The following FOXP1 variants were observed in gnomAD, a reference collection of about 807,000 sequenced individuals.
FOXP1 encodes the protein forkhead box protein P1.
FOXP1 carries 15 observed loss-of-function variants against 98.2 expected under a neutral mutation model. The ratio of observed to expected loss-of-function variants is 0.15; its 90% confidence interval spans 0.10 to 0.24. The LOEUF (loss-of-function observed/expected upper bound fraction) is 0.24. FOXP1 is among the 10% of genes least tolerant of loss of function. The probability of loss-of-function intolerance (pLI) is 1.00; values close to 1 mark genes in which losing one functional copy is unlikely to be tolerated. For synonymous variants in FOXP1, 371 were observed against 314.5 expected (o/e 1.18, Z -1.90); for missense variants, 633 against 848.5 (o/e 0.75, Z 3.15).
chr3:71,179,402 A>G (rs1365533261), intron 6 of FOXP1, among the ~76,000 whole-genome samples: 1 of 152,060 alleles, frequency 6.6e-6, no homozygotes, highest in African/African-American at 2.4e-5. Context: ...GCCACTACAC[A>G]AGTCTTAACA....
chr3:71,242,188 A>G (rs990769854), intron 5 of FOXP1, among the ~76,000 whole-genome samples: 5 of 152,224 alleles, frequency 3.3e-5, no homozygotes, highest in African/African-American at 7.2e-5. Flanking sequence ...GTAACATGCT[A>G]TTACTAACCC....
chr3:71,134,392 C>T (rs1338701367), intron 6 of FOXP1, among the ~76,000 whole-genome samples: 2 of 152,044 alleles, frequency 1.3e-5, no homozygotes, highest in African/African-American at 4.8e-5. Flanking sequence ...ACAGCAGCAC[C>T]TCCAAGGTAT....
At chr3:71,540,279 G>C (rs2044688598) in intron 2 of FOXP1, among the ~76,000 whole-genome samples, 1 of 152,214 alleles carries the variant, frequency 6.6e-6, no homozygotes, top group Non-Finnish European at 1.5e-5. Context: ...AAGCACCTGA[G>C]CTTTTTGCAA....
chr3:71,319,553 C>G (rs987622100), intron 4 of FOXP1, among the ~76,000 whole-genome samples: 1 of 151,998 alleles, frequency 6.6e-6, no homozygotes, highest in Non-Finnish European at 1.5e-5. Context: ...GTCTCATAGC[C>G]CCCTACTCTC....
intron 3 of FOXP1, among the ~76,000 whole-genome samples, chr3:71,445,507 G>A (rs2086329778): frequency 6.6e-6 from 1 of 152,018 alleles, no homozygotes; most frequent in Non-Finnish European, 1.5e-5. Flanking sequence ...GAACTCCATG[G>A]CTTTCAACCA....
At chr3:71,500,171 G>A (rs1239441451) in intron 2 of FOXP1, among the ~76,000 whole-genome samples, 1 of 152,188 alleles carries the variant, frequency 6.6e-6, no homozygotes, top group African/African-American at 2.4e-5. Flanking sequence ...CAACTCACCA[G>A]AGGACTTATT....
Position 71,196,809 on chromosome 3 carries a change from T to C in FOXP1, c.180+1393A>G, listed in dbSNP as rs141966775. Among the ~76,000 whole-genome samples the C allele has an allele frequency of 3.9e-5, 6 of 152,284 alleles. No homozygotes were observed. In the East Asian group the frequency reaches 9.6e-4, roughly 24 times the overall value. ...GCACAAAGTTTATACACAACAAGCATCACAAATTCCAGCTGAAGTGAGCCA... is the reference window on the plus strand; with the variant it reads ...GCACAAAGTTTATACACAACAAGCACCACAAATTCCAGCTGAAGTGAGCCA... On this transcript the variant is annotated intron_variant, in intron 6 of 20. Coordinates refer to ENST00000649528, the MANE Select transcript of FOXP1 (RefSeq NM_001349338.3).
chr3:71,475,979 G>A (rs972972873), intron 3 of FOXP1, among the ~76,000 whole-genome samples: 8 of 149,812 alleles, frequency 5.3e-5, no homozygotes, highest in Non-Finnish European at 7.4e-5. Context: ...CCTTTACCAC[G>A]TCAATGGGGT....
At chr3:71,230,343 G>C (rs2066186708) in intron 5 of FOXP1, among the ~76,000 whole-genome samples, 1 of 152,150 alleles carries the variant, frequency 6.6e-6, no homozygotes, top group Admixed American at 6.5e-5. Flanking sequence ...CTGACTTCTG[G>C]TGCCAAGAAG....
chr3:71,091,042 C>A (rs1273925032), intron 7 of FOXP1, among the ~76,000 whole-genome samples: 2 of 149,208 alleles, frequency 1.3e-5, no homozygotes, highest in African/African-American at 4.9e-5. Flanking sequence ...ATATAATGAT[C>A]AGAACAACAG....
rs144998654 is a variant in FOXP1, at chr3:71,566,953, C to T, written c.-298+14596G>A. On this transcript the variant is annotated intron_variant, in intron 2 of 20. Coordinates refer to ENST00000649528, the MANE Select transcript of FOXP1 (RefSeq NM_001349338.3). ...CTGGGCTCTCAGAATCAGTCTCTCCCTCACCTCACAAAGCACTCCCTCCCA... is the reference window on the plus strand; with the variant it reads ...CTGGGCTCTCAGAATCAGTCTCTCCTTCACCTCACAAAGCACTCCCTCCCA... 1.0e-3 allele frequency among the ~76,000 whole-genome samples: 153 copies of T among 152,242 alleles called. 1 individual carries two copies. In the East Asian group the frequency reaches 0.01, roughly 10 times the overall value.
rs758125097 is a variant in FOXP1 at position 71,198,222 on chromosome 3, C to T, written c.160G>A (p.Ala54Thr). 32 of 1,613,988 alleles carry T rather than the reference C, an allele frequency of 2.0e-5. No individual in the cohort carries two copies. The highest frequency in any genetic ancestry group is 1.8e-4 in the East Asian group (8 of 44,900). Residue 54 changes from alanine (A) to threonine (T), a missense_variant, in exon 6 of 21, where the codon GCC becomes ACC. This residue lies in a region of FOXP1 where 103 missense variants were observed against 85.5 expected (regional missense o/e 1.20). Transcript: ENST00000649528. Reference protein sequence around the residue: ...VDIGAADLAHAQQQQQQALQV... With the variant: ...VDIGAADLAHTQQQQQQALQV... ...AGTACCTGTTGCTGCTGCTGCTGGG[C>T]GTGGGCGAGGTCAGCTGCCCCGATG...
intron 13 of FOXP1, among the ~76,000 whole-genome samples, chr3:70,998,948 C>T (rs149592997): frequency 5.3e-5 from 8 of 152,182 alleles, no homozygotes; most frequent in African/African-American, 1.4e-4. Context: ...AACGGCTACC[C>T]GACAAACCAT....
chr3:71,167,431 AAG>A (rs2061444741), intron 6 of FOXP1, among the ~76,000 whole-genome samples: 1 of 152,212 alleles, frequency 6.6e-6, no homozygotes, highest in Admixed American at 6.5e-5. Context: ...TTTAAAGCGT[AAG>A]AGAGCACGTG....
chr3:71,313,592 C>G (rs2074860484), intron 4 of FOXP1, among the ~76,000 whole-genome samples: 1 of 151,562 alleles, frequency 6.6e-6, no homozygotes, highest in African/African-American at 2.4e-5. Flanking sequence ...GTGGCGCTAT[C>G]TCTGCTCACT....
At chr3:71,463,212 A>T (rs1438165209) in intron 3 of FOXP1, among the ~76,000 whole-genome samples, 1 of 151,918 alleles carries the variant, frequency 6.6e-6, no homozygotes, top group Non-Finnish European at 1.5e-5. Flanking sequence ...AAAATACAAA[A>T]AGTTAGCTGG....
intron 6 of FOXP1, among the ~76,000 whole-genome samples, chr3:71,117,974 AAAG>A (rs1224469076): frequency 6.6e-6 from 1 of 152,196 alleles, no homozygotes; most frequent in Non-Finnish European, 1.5e-5. Context: ...CTCTGAGCTA[AAAG>A]AAGAAGTGGG....
chr3:71,281,052 A>G (rs1167966374), intron 5 of FOXP1, among the ~76,000 whole-genome samples: 1 of 150,548 alleles, frequency 6.6e-6, no homozygotes, highest in African/African-American at 2.4e-5. Context: ...AAAAAAAAAA[A>G]AAAAAAAAAG....
intron 3 of FOXP1, among the ~76,000 whole-genome samples, chr3:71,437,918 C>T (rs913713393): frequency 2.6e-5 from 4 of 152,098 alleles, no homozygotes; most frequent in African/African-American, 9.7e-5. Context: ...AAGCTGTGTA[C>T]ACGAAATTGA....
Sources: allele counts gnomAD v4.1 joint callset (sites outside exome capture counted in the v4.1 genomes callset), GRCh38; gene constraint gnomAD v4.1.1; regional missense constraint gnomAD v4.1.1; transcripts MANE v1.5; gene names NCBI Gene and HGNC (gene_info 2026-07-23, HGNC 2026-07-21).